Variants in SASH1 observed in about 807,000 individuals in gnomAD.
SASH1 encodes the protein SAM and SH3 domain-containing protein 1.
Under a neutral mutation model 125.2 loss-of-function variants are expected in SASH1, and 44 were observed. The ratio of observed to expected loss-of-function variants is 0.35; its 90% CI spans 0.28 to 0.45. The LOEUF (loss-of-function observed/expected upper bound fraction) is 0.45, where lower values mean the gene tolerates loss of function less well. Among genes scored for constraint, SASH1 ranks in the 20% least tolerant of loss-of-function variants. The probability of loss-of-function intolerance (pLI) is 1.00; values close to 1 mark genes in which losing one functional copy is unlikely to be tolerated. For synonymous variants in SASH1, 639 were observed against 649.1 expected (o/e 0.98, Z 0.24); for missense variants, 1,426 against 1,614.5 (o/e 0.88, Z 2.00).
chr6:148,331,288 G>A (rs1780989020), intron 1 of SASH1, among the ~76,000 whole-genome samples: 1 of 152,124 alleles, frequency 6.6e-6, no homozygotes, highest in Non-Finnish European at 1.5e-5. Context: ...TACCTGTTGT[G>A]ATATTATTGA....
At chr6:148,409,705 G>T (rs1378198287) in intron 2 of SASH1, among the ~76,000 whole-genome samples, 1 of 152,172 alleles carries the variant, frequency 6.6e-6, no homozygotes, top group Non-Finnish European at 1.5e-5. Context: ...GGAGGCCTAG[G>T]TGGGCGGATC....
chr6:148,388,990 G>A (rs937367156), intron 1 of SASH1, among the ~76,000 whole-genome samples: 4 of 151,524 alleles, frequency 2.6e-5, no homozygotes, highest in African/African-American at 9.7e-5. Context: ...GAGAGGAGAG[G>A]TCTTTCTGAA....
intron 1 of SASH1, among the ~76,000 whole-genome samples, chr6:148,353,489 C>G (rs570820965): frequency 2.3e-5 from 3 of 133,162 alleles, no homozygotes; most frequent in Non-Finnish European, 4.6e-5. Context: ...CGCTGGAGTG[C>G]AGTGGCGCGA....
chr6:148,538,532 G>T (rs1220630672), intron 16 of SASH1, among the ~76,000 whole-genome samples: 1 of 152,204 alleles, frequency 6.6e-6, no homozygotes, highest in African/African-American at 2.4e-5. Flanking sequence ...ATTTGCTCTT[G>T]TGCTTCCAAT....
chr6:148,257,628 CTTTT>C, the SASH1 span, among the ~76,000 whole-genome samples: 8,983 of 126,874 alleles, frequency 0.071, 202 homozygotes, highest in Middle Eastern at 0.086. Context: ...TGTCAGTTTA[CTTTT>C]TTTTTTTTTT....
chr6:148,234,235 C>T, the SASH1 span, among the ~76,000 whole-genome samples: 1 of 152,034 alleles, frequency 6.6e-6, no homozygotes, highest in Non-Finnish European at 1.5e-5. Context: ...GTATCCTAAG[C>T]TTGCCTTAGA....
chr6:148,518,827 C>T (rs1780624223), intron 9 of SASH1, among the ~76,000 whole-genome samples: 2 of 152,148 alleles, frequency 1.3e-5, no homozygotes, highest in Non-Finnish European at 2.9e-5. Context: ...GTGAGGGCTT[C>T]AAGAGCTGGA....
chr6:148,522,235 T>C (rs1780860959), intron 10 of SASH1, among the ~76,000 whole-genome samples: 1 of 152,258 alleles, frequency 6.6e-6, no homozygotes, highest in Non-Finnish European at 1.5e-5. Context: ...TAGGAAGTTA[T>C]ATATTTGCAT....
At chr6:148,267,991 C>T (rs182803637), upstream of SASH1, among the ~76,000 whole-genome samples, 4 of 152,270 alleles carry the variant, frequency 2.6e-5, no homozygotes, top group East Asian at 3.9e-4. Context: ...ATCCCACGAA[C>T]GAAAGGCCAA....
chr6:148,362,118 G>A (rs939296950), intron 1 of SASH1, among the ~76,000 whole-genome samples: 52 of 151,460 alleles, frequency 3.4e-4, no homozygotes, highest in Middle Eastern at 3.4e-3. Context: ...TAGTAGAGAC[G>A]GGGTTTCTCC....
chr6:148,411,166 C>CAAAAAAAAAAAAAAA (rs56342457), intron 2 of SASH1, among the ~76,000 whole-genome samples: 17 of 46,182 alleles, frequency 3.7e-4, no homozygotes, highest in Non-Finnish European at 6.1e-4. Flanking sequence ...ACTCCATCTC[C>CAAAAAAAAAAAAAAA]AAAAAAAAAA....
Position 148,406,106 on chromosome 6 carries a change from C to T in SASH1, c.285+15844C>T, listed in dbSNP as rs572352199. 5.3e-5 allele frequency among the ~76,000 whole-genome samples: 8 copies of T among 152,312 alleles called. No homozygotes were observed. In the East Asian group the frequency reaches 1.4e-3, roughly 26 times the overall value. Reference sequence around the variant, plus strand: ...CTGTAGAACAGGTCAGATGGGCATTCTTCTCATTGCTGGGTGCCAGTCACC... The same window carrying T: ...CTGTAGAACAGGTCAGATGGGCATTTTTCTCATTGCTGGGTGCCAGTCACC... On this transcript the variant is annotated intron_variant, in intron 2 of 19. Transcript: ENST00000367467.
chr6:148,390,372 C>CTGCT, intron 2 of SASH1, 110 bp downstream of exon 2: 2 of 1,069,184 alleles, frequency 1.9e-6, no homozygotes, highest in Non-Finnish European at 1.3e-6. Context: ...AATCTGTAGG[C>CTGCT]TGCTGCACTA....
At chr6:148,292,837 G>A (rs890304481) in intron 1 of SASH1, among the ~76,000 whole-genome samples, 2 of 152,118 alleles carry the variant, frequency 1.3e-5, no homozygotes, top group Admixed American at 6.5e-5. Flanking sequence ...GATCACCTGA[G>A]GTCAGGAGTT....
intron 1 of SASH1, among the ~76,000 whole-genome samples, chr6:148,302,843 T>TATATATATAC (rs1399142875): frequency 2.8e-4 from 39 of 138,166 alleles, no homozygotes; most frequent in Non-Finnish European, 5.8e-4. Flanking sequence ...TATATATATA[T>TATATATATAC]ACACACACAC....
At chr6:148,350,563 T>C (rs6921503) in intron 1 of SASH1, among the ~76,000 whole-genome samples, 105,430 of 152,076 alleles carry the variant, frequency 0.69, 36,650 homozygotes, top group Middle Eastern at 0.81. Context: ...GAAAAACTAT[T>C]GTTTATCTAA....
intron 4 of SASH1, 162 bp downstream of exon 4, chr6:148,440,569 A>G: frequency 1.6e-6 from 1 of 630,912 alleles, no homozygotes; most frequent in Non-Finnish European, 2.8e-6. Flanking sequence ...CTAGGTGGCT[A>G]AGAGTGTGTT....
intron 1 of SASH1, among the ~76,000 whole-genome samples, chr6:148,300,672 G>A (rs1342129516): frequency 6.6e-6 from 1 of 151,604 alleles, no homozygotes; most frequent in Non-Finnish European, 1.5e-5. Context: ...TAGTAAAGAC[G>A]GGGTTTTACC....
intron 1 of SASH1, among the ~76,000 whole-genome samples, chr6:148,311,591 C>G (rs1935941562): frequency 6.6e-6 from 1 of 151,980 alleles, no homozygotes; most frequent in Non-Finnish European, 1.5e-5. Context: ...ATTGCTGGAG[C>G]CCAGGAGTTT....
Sources: gnomAD v4.1 joint callset for allele counts (sites outside exome capture counted in the v4.1 genomes callset) on GRCh38, gnomAD v4.1.1 for gene constraint, MANE v1.5 for transcripts, NCBI Gene and HGNC (gene_info 2026-07-23, HGNC 2026-07-21) for gene names.